Variants in RBMS3 observed in about 807,000 individuals in gnomAD.
RBMS3 encodes the protein RNA binding motif single stranded interacting protein 3.
RBMS3 carries 27 observed loss-of-function variants against 66.8 expected under a neutral mutation model. The observed-to-expected ratio is 0.40, with a 90% CI of 0.30 to 0.56. RBMS3 has a LOEUF of 0.56. RBMS3 is among the 20% of genes least tolerant of loss of function. The pLI is 0.40. For missense variants in RBMS3, 513 were observed against 549.5 expected, an observed-to-expected ratio of 0.93 and a Z score of 0.66; for synonymous variants, 188 against 183.0, an observed-to-expected ratio of 1.03 and a Z score of -0.22.
intron 1 of RBMS3, among the ~76,000 whole-genome samples, chr3:29,387,996 T>A (rs1341360039): frequency 6.6e-6 from 1 of 152,156 alleles, no homozygotes; most frequent in East Asian, 1.9e-4. Context: ...CACCCTCATT[T>A]ATCTGTTTGG....
At chr3:29,489,523 A>G (rs2043448866) in intron 3 of RBMS3, among the ~76,000 whole-genome samples, 1 of 151,900 alleles carries the variant, frequency 6.6e-6, no homozygotes, top group Admixed American at 6.6e-5. Flanking sequence ...TAATTCTAAT[A>G]TCCTTATTAG....
chr3:29,391,649 A>C (rs980542365), intron 1 of RBMS3, among the ~76,000 whole-genome samples: 2 of 152,278 alleles, frequency 1.3e-5, no homozygotes, highest in African/African-American at 4.8e-5. Flanking sequence ...CCAAAATTAT[A>C]TTTGTGTAAG....
At chr3:29,384,190 C>A (rs1486437096) in intron 1 of RBMS3, among the ~76,000 whole-genome samples, 1 of 151,930 alleles carries the variant, frequency 6.6e-6, no homozygotes, top group Non-Finnish European at 1.5e-5. Flanking sequence ...GTGAGATGTG[C>A]CCATAGTCTC....
Position 29,987,018 on chromosome 3 carries a change from A to G in RBMS3, c.1099-1125A>G, listed in dbSNP as rs149247303. 2.4e-3 allele frequency among the ~76,000 whole-genome samples: 364 copies of G among 152,272 alleles called. 2 individuals are homozygous for G. Among genetic ancestry groups the G allele is most frequent in the African/African-American group, 8.3e-3 (343 of 41,546 alleles). ...GTTCAGATGCTTTCCTTGATTCAGA[A>G]TCAGCATGCCTCTTAAATACTGAAT... On this transcript the variant is annotated intron_variant, in intron 12 of 14. Coordinates refer to ENST00000383767, the MANE Select transcript of RBMS3 (RefSeq NM_001003793.3).
intron 5 of RBMS3, among the ~76,000 whole-genome samples, chr3:29,749,979 A>G (rs900442165): frequency 5.3e-5 from 8 of 152,200 alleles, no homozygotes; most frequent in Non-Finnish European, 1.2e-4. Flanking sequence ...GAACATTTCA[A>G]TTTTGCTTGC....
intron 3 of RBMS3, among the ~76,000 whole-genome samples, chr3:29,534,592 T>C (rs2045482749): frequency 6.6e-6 from 1 of 152,228 alleles, no homozygotes; most frequent in Non-Finnish European, 1.5e-5. Flanking sequence ...TGAGTTAGCA[T>C]TAAGATATTT....
intron 4 of RBMS3, among the ~76,000 whole-genome samples, chr3:29,621,068 T>G (rs1015890054): frequency 3.3e-5 from 5 of 152,130 alleles, no homozygotes; most frequent in African/African-American, 1.2e-4. Flanking sequence ...TAAAGGCTGC[T>G]GGAACATGCA....
At chr3:29,547,312 A>G (rs2045995031) in intron 3 of RBMS3, among the ~76,000 whole-genome samples, 1 of 152,188 alleles carries the variant, frequency 6.6e-6, no homozygotes, top group Middle Eastern at 3.2e-3. Flanking sequence ...TCATCAAATT[A>G]CTGTGGGTGA....
At chr3:29,889,356 A>T (rs540577864) in intron 8 of RBMS3, among the ~76,000 whole-genome samples, 1 of 151,840 alleles carries the variant, frequency 6.6e-6, no homozygotes, top group East Asian at 1.9e-4. Flanking sequence ...AACATCATTA[A>T]ATCATACCAG....
At chr3:29,350,348 T>G (rs1426799996) in intron 1 of RBMS3, among the ~76,000 whole-genome samples, 1 of 152,190 alleles carries the variant, frequency 6.6e-6, no homozygotes, top group East Asian at 1.9e-4. Flanking sequence ...TTAGGTTTGG[T>G]TCTTTCATTT....
At chr3:29,826,805 A>C (rs1452606121) in intron 6 of RBMS3, among the ~76,000 whole-genome samples, 1 of 152,166 alleles carries the variant, frequency 6.6e-6, no homozygotes, top group Non-Finnish European at 1.5e-5. Context: ...TTGAGTGTGC[A>C]ATCCTTTCAC....
At chr3:29,995,087 T>C (rs1394370503) in intron 14 of RBMS3, among the ~76,000 whole-genome samples, 3 of 152,332 alleles carry the variant, frequency 2.0e-5, no homozygotes, top group African/African-American at 7.2e-5. Context: ...AAGGAGCTGA[T>C]GGAGCTGAAA....
chr3:29,554,113 T>C (rs900504441), intron 3 of RBMS3, among the ~76,000 whole-genome samples: 14 of 152,346 alleles, frequency 9.2e-5, no homozygotes, highest in Non-Finnish European at 1.9e-4. Context: ...AATTACCACG[T>C]TCTCCTTCCT....
At chr3:29,861,773 G>C (rs2059222986) in intron 6 of RBMS3, among the ~76,000 whole-genome samples, 1 of 152,128 alleles carries the variant, frequency 6.6e-6, no homozygotes, top group African/African-American at 2.4e-5. Context: ...TTAATACAAA[G>C]TTTGGAAGAC....
At chr3:29,625,284 A>G (rs1044156849) in intron 4 of RBMS3, among the ~76,000 whole-genome samples, 1 of 152,076 alleles carries the variant, frequency 6.6e-6, no homozygotes, top group Admixed American at 6.5e-5. Context: ...CTGTGGCATT[A>G]CTTACCACAG....
At chr3:29,940,434 G>C (rs1271714437) in intron 11 of RBMS3, among the ~76,000 whole-genome samples, 2 of 151,884 alleles carry the variant, frequency 1.3e-5, no homozygotes, top group African/African-American at 4.8e-5. Flanking sequence ...CAAGGGCAGA[G>C]CAGAGAGCTA....
At chr3:29,859,649 C>T (rs146404990) in intron 6 of RBMS3, among the ~76,000 whole-genome samples, 228 of 152,314 alleles carry the variant, frequency 1.5e-3, no homozygotes, top group African/African-American at 5.3e-3. Context: ...CCTAGCTACG[C>T]CTTGCTTGTT....
chr3:29,986,957 A>C (rs71321121), intron 12 of RBMS3, among the ~76,000 whole-genome samples: 4,361 of 152,122 alleles, frequency 0.029, 133 homozygotes, highest in East Asian at 0.17. Context: ...GAGGAGGAAA[A>C]CAACAACAAC....
intron 3 of RBMS3, 94 bp from the exon 4 acceptor site, chr3:29,587,020 G>A (rs2047541103): frequency 1.1e-6 from 1 of 901,832 alleles, no homozygotes; most frequent in East Asian, 2.7e-5. Context: ...CAGAAGAAAT[G>A]AATGCAAGTC....
Sources: gnomAD v4.1 joint callset for allele counts (sites outside exome capture counted in the v4.1 genomes callset) on GRCh38, gnomAD v4.1.1 for gene constraint, MANE v1.5 for transcripts, NCBI Gene and HGNC (gene_info 2026-07-23, HGNC 2026-07-21) for gene names.